GSTCD: variants seen among roughly 807,000 people sequenced by gnomAD.
GSTCD encodes glutathione S-transferase C-terminal domain containing.
Under a neutral mutation model 68.3 loss-of-function variants are expected in GSTCD, and 44 were observed. The observed-to-expected ratio is 0.64, with a 90% CI of 0.51 to 0.83. The LOEUF is 0.83. GSTCD is among the 40% of genes least tolerant of loss of function. The pLI is 0.00. For missense variants in GSTCD, 739 were observed against 735.9 expected, an observed-to-expected ratio of 1.00 and a Z score of -0.05; for synonymous variants, 273 against 255.2, an observed-to-expected ratio of 1.07 and a Z score of -0.67.
intron 5 of GSTCD, among the ~76,000 whole-genome samples, chr4:105,740,329 T>A (rs1733592481): frequency 6.6e-6 from 1 of 151,962 alleles, no homozygotes; most frequent in African/African-American, 2.4e-5. Context: ...GCTTGCCTTT[T>A]GCTAGCCTTT....
At chr4:105,725,804 T>C (rs1221285844) in intron 3 of GSTCD, among the ~76,000 whole-genome samples, 2 of 152,012 alleles carry the variant, frequency 1.3e-5, no homozygotes, top group Non-Finnish European at 2.9e-5. Context: ...TCATTAATCA[T>C]AGGGAAATGC....
intron 5 of GSTCD, among the ~76,000 whole-genome samples, chr4:105,768,228 C>T (rs1012966577): frequency 2.0e-5 from 3 of 151,952 alleles, no homozygotes; most frequent in African/African-American, 7.3e-5. Context: ...GACGGGGTTT[C>T]ACCATGTTGG....
rs1723370994 is a variant in GSTCD at position 105,822,802 on chromosome 4, G to A, written c.1241-152G>A. The A allele has an allele frequency of 7.5e-5, 40 of 530,788 alleles. No individual in the cohort carries two copies. The South Asian group carries it at 1.2e-3, about 16-fold the overall frequency. 32.9% of individuals were successfully genotyped at this position (530,788 alleles called of 1,614,324 possible). On this transcript the variant is annotated intron_variant, in intron 5 of 11. Coordinates refer to ENST00000515279, the MANE Select transcript of GSTCD (RefSeq NM_001370181.1). ...CCTAGTCCTCATAGTCTGTTACATGGAATTTATCATTTATTATTTTATATG... is the reference window on the plus strand; with the variant it reads ...CCTAGTCCTCATAGTCTGTTACATGAAATTTATCATTTATTATTTTATATG...
At chr4:105,765,000 A>T (rs1734551150) in intron 5 of GSTCD, among the ~76,000 whole-genome samples, 1 of 152,120 alleles carries the variant, frequency 6.6e-6, no homozygotes, top group African/African-American at 2.4e-5. Context: ...TTTTACCTTG[A>T]TCTGCATATA....
At chr4:105,797,760 C>CTTTTTTTTTTTTTTTTTTTTTTT (rs70941218) in intron 5 of GSTCD, among the ~76,000 whole-genome samples, 7 of 84,954 alleles carry the variant, frequency 8.2e-5, no homozygotes, top group African/African-American at 3.3e-4. Flanking sequence ...CACAATAGAA[C>CTTTTTTTTTTTTTTTTTTTTTTT]TTTTTTTTTT....
chr4:105,837,881 T>C lies in GSTCD; in HGVS notation c.1687T>C (p.Ser563Pro). 1 of 1,099,658 alleles carries C rather than the reference T, an allele frequency of 9.1e-7. No individual in the cohort carries two copies. The highest frequency in any genetic ancestry group is 1.3e-6 in the Non-Finnish European group (1 of 755,912). 68.1% of individuals were successfully genotyped at this position (1,099,658 alleles called of 1,614,324 possible). Residue 563 changes from serine (S) to proline (P), a missense_variant, in exon 10 of 12, where the codon TCA becomes CCA. By Grantham distance (74) the Ser-to-Pro change is moderately conservative. Transcript: ENST00000515279. ...PKSEQFKKTL[S>P]YKEHMILCRF... ...CAGTGAACAATTCAAGAAAACTTTA[T>C]CATACAAGGTAACCTTAAAAAGATC...
chr4:105,845,506 G>T lies in GSTCD; in HGVS notation c.1831G>T (p.Val611Phe). 6.2e-7 allele frequency: 1 copy of T among 1,613,890 alleles called. No homozygotes were observed. The highest frequency in any genetic ancestry group is 1.1e-5 in the South Asian group (1 of 91,072). Residue 611 changes from valine to phenylalanine, a missense_variant, in exon 12 of 12, where the codon GTT becomes TTT. Physicochemically the swap from Val to Phe is conservative, Grantham distance 50. Transcript: ENST00000515279. Reference sequence around the variant, plus strand: ...AGCTGCAGAAGAATGTGGATACTCCGTTCAAGTGATATCCATGGAGCCAGA... The same window carrying T: ...AGCTGCAGAAGAATGTGGATACTCCTTTCAAGTGATATCCATGGAGCCAGA... ...ARAAEECGYS[V>F]QVISMEPESC...
At chr4:105,782,656 G>T (rs954960203) in intron 5 of GSTCD, among the ~76,000 whole-genome samples, 1 of 151,896 alleles carries the variant, frequency 6.6e-6, no homozygotes, top group African/African-American at 2.4e-5. Flanking sequence ...TGTGATCTTG[G>T]CTCACTGCTA....
At chr4:105,797,706 A>T (rs1415873096) in intron 5 of GSTCD, among the ~76,000 whole-genome samples, 1 of 150,018 alleles carries the variant, frequency 6.7e-6, no homozygotes, top group Non-Finnish European at 1.5e-5. Context: ...CCTTTCACAG[A>T]CTATTTCTCT....
At chr4:105,784,969 A>G (rs1420852641) in intron 5 of GSTCD, among the ~76,000 whole-genome samples, 1 of 152,112 alleles carries the variant, frequency 6.6e-6, no homozygotes, top group Non-Finnish European at 1.5e-5. Flanking sequence ...CTTTATTCCA[A>G]GATCTGGATG....
chr4:105,800,871 T>A (rs1736080929), intron 5 of GSTCD, among the ~76,000 whole-genome samples: 1 of 152,198 alleles, frequency 6.6e-6, no homozygotes, highest in Non-Finnish European at 1.5e-5. Flanking sequence ...TATGTGCTTC[T>A]ATTTAAAGAC....
rs2149248141 is a variant in GSTCD, at chr4:105,778,929, G to A, written c.1241-44025G>A. ...ACCCACACATACTCATTCTCTGTCTGAACTATGTGAAATAGTTGCAGACAT... is the reference window on the plus strand; with the variant it reads ...ACCCACACATACTCATTCTCTGTCTAAACTATGTGAAATAGTTGCAGACAT... On this transcript the variant is annotated intron_variant, in intron 5 of 11. Coordinates refer to ENST00000515279, the MANE Select transcript of GSTCD (RefSeq NM_001370181.1). Among the ~76,000 whole-genome samples the A allele has an allele frequency of 2.0e-5, 3 of 152,004 alleles. No homozygotes were observed. In the South Asian group the frequency reaches 6.2e-4, roughly 32 times the overall value.
At chr4:105,797,760 C>CTTTTTTT (rs70941218) in intron 5 of GSTCD, among the ~76,000 whole-genome samples, 45 of 84,940 alleles carry the variant, frequency 5.3e-4, no homozygotes, top group Admixed American at 3.4e-3. Flanking sequence ...CACAATAGAA[C>CTTTTTTT]TTTTTTTTTT....
intron 5 of GSTCD, among the ~76,000 whole-genome samples, chr4:105,777,370 C>G (rs930217180): frequency 6.6e-6 from 1 of 152,162 alleles, no homozygotes; most frequent in Non-Finnish European, 1.5e-5. Context: ...TAACTAGTTT[C>G]TATTTCTCAT....
At chr4:105,835,641 C>G (rs530313420) in intron 9 of GSTCD, among the ~76,000 whole-genome samples, 1 of 152,188 alleles carries the variant, frequency 6.6e-6, no homozygotes, top group East Asian at 1.9e-4. Flanking sequence ...CTCCTTCTCT[C>G]TTCTCTCCTT....
At chr4:105,718,428 A>G (rs764387076) in intron 2 of GSTCD, among the ~76,000 whole-genome samples, 2 of 152,126 alleles carry the variant, frequency 1.3e-5, no homozygotes, top group Admixed American at 6.6e-5. Flanking sequence ...CCCATGTGAC[A>G]TGCCTGCACT....
intron 5 of GSTCD, among the ~76,000 whole-genome samples, chr4:105,793,234 A>G (rs1320921431): frequency 2.6e-5 from 4 of 151,986 alleles, no homozygotes; most frequent in Non-Finnish European, 2.9e-5. Flanking sequence ...CAAGATGTGC[A>G]CTAGTATATT....
intron 5 of GSTCD, among the ~76,000 whole-genome samples, chr4:105,751,879 A>C (rs551263719): frequency 4.6e-5 from 7 of 152,302 alleles, no homozygotes; most frequent in Admixed American, 2.6e-4. Context: ...GATCATTTTG[A>C]ACTTTAAATT....
intron 5 of GSTCD, among the ~76,000 whole-genome samples, chr4:105,805,852 T>G (rs1722467822): frequency 6.6e-6 from 1 of 152,104 alleles, no homozygotes. Context: ...TAAGCCATTA[T>G]TGTTATTACA....
Sources: allele counts gnomAD v4.1 joint callset (sites outside exome capture counted in the v4.1 genomes callset), GRCh38; gene constraint gnomAD v4.1.1; transcripts MANE v1.5; gene names NCBI Gene and HGNC (gene_info 2026-07-23, HGNC 2026-07-21).